SLC4A4: variants seen among roughly 807,000 people sequenced by gnomAD.
SLC4A4 encodes the protein electrogenic sodium bicarbonate cotransporter 1.
A neutral mutation model predicts 111.5 loss-of-function variants in SLC4A4; 27 were observed. That is an observed-to-expected ratio of 0.24 (90% CI 0.18 to 0.33). The LOEUF (loss-of-function observed/expected upper bound fraction) is 0.33, where lower values mean the gene tolerates loss of function less well. Ranked by LOEUF, SLC4A4 falls within the 10% of genes least tolerant of loss-of-function variation. SLC4A4 has a pLI of 1.00. For synonymous variants in SLC4A4, 443 were observed against 463.4 expected (o/e 0.96, Z 0.57); for missense variants, 909 against 1,315.5 (o/e 0.69, Z 4.78).
intron 6 of SLC4A4, among the ~76,000 whole-genome samples, chr4:71,376,298 T>C (rs913885863): frequency 1.3e-5 from 2 of 150,802 alleles, no homozygotes; most frequent in Non-Finnish European, 3.0e-5. Context: ...GCCTCTCGGG[T>C]TCACGCCATT....
intron 7 of SLC4A4, among the ~76,000 whole-genome samples, chr4:71,425,335 G>T (rs140048946): frequency 6.6e-6 from 1 of 152,194 alleles, no homozygotes; most frequent in Non-Finnish European, 1.5e-5. Flanking sequence ...GAATAGCCTC[G>T]CAGCAAAACA....
At chr4:71,106,361 G>A (rs1480156943) in intron 2 of SLC4A4, among the ~76,000 whole-genome samples, 8 of 151,264 alleles carry the variant, frequency 5.3e-5, no homozygotes, top group Non-Finnish European at 8.8e-5. Flanking sequence ...GGAAGTCAGT[G>A]TGGCGACTCC....
At chr4:71,227,713 C>T (rs1427686573) in intron 1 of SLC4A4, among the ~76,000 whole-genome samples, 1 of 152,152 alleles carries the variant, frequency 6.6e-6, no homozygotes, top group Non-Finnish European at 1.5e-5. Context: ...ATGCCCGTCG[C>T]CATCCTCTGT....
chr4:71,281,525 ATC>A (rs1723515989), intron 3 of SLC4A4, among the ~76,000 whole-genome samples: 1 of 152,210 alleles, frequency 6.6e-6, no homozygotes, highest in Non-Finnish European at 1.5e-5. Context: ...AGTCTCTGAA[ATC>A]TCTTCTAGGT....
chr4:71,420,614 C>A (rs558961994), intron 7 of SLC4A4, among the ~76,000 whole-genome samples: 1 of 152,166 alleles, frequency 6.6e-6, no homozygotes, highest in Non-Finnish European at 1.5e-5. Flanking sequence ...AAAGGGAAGC[C>A]CATCAGACTA....
chr4:71,063,525 C>T (rs1480007796), intron 1 of SLC4A4, among the ~76,000 whole-genome samples: 4 of 151,728 alleles, frequency 2.6e-5, no homozygotes, highest in Non-Finnish European at 1.5e-5. Context: ...TATTTATTTT[C>T]TATTATAATT....
chr4:71,339,263 T>C lies in SLC4A4; in HGVS notation c.254-107T>C, dbSNP rs1259938115. On this transcript the variant is annotated intron_variant, in intron 3 of 25. Coordinates refer to ENST00000264485, the MANE Select transcript of SLC4A4 (RefSeq NM_001098484.3). Reference sequence around the variant, plus strand: ...TAGCAGGAAAGATGTCCACTGAAAATGTGGAAGGGAAGCCCAGTAACCTTG... The same window carrying C: ...TAGCAGGAAAGATGTCCACTGAAAACGTGGAAGGGAAGCCCAGTAACCTTG... The C allele has an allele frequency of 1.9e-6, 3 of 1,613,994 alleles. No homozygotes were observed. The highest frequency in any genetic ancestry group is 2.5e-6 in the Non-Finnish European group (3 of 1,180,012).
At chr4:71,102,058 A>G (rs1742755346) in intron 2 of SLC4A4, among the ~76,000 whole-genome samples, 1 of 151,834 alleles carries the variant, frequency 6.6e-6, no homozygotes, top group African/African-American at 2.4e-5. Flanking sequence ...AGAATAACCA[A>G]TACAGAGAAG....
chr4:71,194,805 G>C (rs1476807767), intron 1 of SLC4A4, among the ~76,000 whole-genome samples: 3 of 152,094 alleles, frequency 2.0e-5, no homozygotes, highest in Non-Finnish European at 4.4e-5. Flanking sequence ...GTGTAAAATT[G>C]AACATTCAAG....
chr4:71,566,106 G>T (rs1737446522), intron 24 of SLC4A4, among the ~76,000 whole-genome samples: 1 of 151,860 alleles, frequency 6.6e-6, no homozygotes. Flanking sequence ...CTGGCTACCA[G>T]CCTGGATTTG....
chr4:71,127,309 C>T (rs1323869238), intron 2 of SLC4A4, among the ~76,000 whole-genome samples: 2 of 146,090 alleles, frequency 1.4e-5, no homozygotes, highest in Admixed American at 1.3e-4. Flanking sequence ...AAATGTGTCT[C>T]TATCTTCAAA....
At chr4:71,233,435 C>A in intron 1 of SLC4A4, 1 of 313,226 alleles carries the variant, frequency 3.2e-6, no homozygotes, top group Non-Finnish European at 4.6e-6. Context: ...ACTTCCTTGA[C>A]ATCACTCTTG....
intron 16 of SLC4A4, among the ~76,000 whole-genome samples, chr4:71,521,791 A>G (rs1412718830): frequency 6.6e-6 from 1 of 152,160 alleles, no homozygotes; most frequent in South Asian, 2.1e-4. Flanking sequence ...GTGACAAAGA[A>G]AGATGTCCAT....
At chr4:71,393,559 G>A (rs1409059271) in intron 6 of SLC4A4, among the ~76,000 whole-genome samples, 1 of 152,098 alleles carries the variant, frequency 6.6e-6, no homozygotes, top group East Asian at 1.9e-4. Context: ...TGGATGGGTA[G>A]AATCTATATT....
chr4:71,541,907 T>C (rs1483787168), intron 18 of SLC4A4, among the ~76,000 whole-genome samples: 1 of 152,154 alleles, frequency 6.6e-6, no homozygotes, highest in African/African-American at 2.4e-5. Context: ...TTTCTTGCAG[T>C]ATTCTTTATA....
rs1354648493 is a variant in SLC4A4 at position 71,404,503 on chromosome 4, C to CT, written c.807+6857dup. On this transcript the variant is annotated intron_variant, in intron 7 of 25. Coordinates refer to ENST00000264485, the MANE Select transcript of SLC4A4 (RefSeq NM_001098484.3). ...CTGGCATGTTTTACATTTGATGTCA[C>CT]TTTTTTTCTCTTTTCAATATGTAGC... Among the ~76,000 whole-genome samples, 4 of 152,156 alleles carry CT rather than the reference C, an allele frequency of 2.6e-5. No individual in the cohort carries two copies. The South Asian group carries it at 8.3e-4, about 32-fold the overall frequency.
At chr4:71,190,385 T>TAC (rs5859253) in intron 1 of SLC4A4, among the ~76,000 whole-genome samples, 3,407 of 143,722 alleles carry the variant, frequency 0.024, 95 homozygotes, top group African/African-American at 0.065. Flanking sequence ...TATGTATGTT[T>TAC]ACACACACAC....
At chr4:71,442,206 T>C (rs971541373) in intron 8 of SLC4A4, among the ~76,000 whole-genome samples, 1 of 152,204 alleles carries the variant, frequency 6.6e-6, no homozygotes, top group African/African-American at 2.4e-5. Context: ...TACGCATTCA[T>C]TGAGAGCAAA....
At chr4:71,196,045 T>C (rs1298227933) in intron 1 of SLC4A4, among the ~76,000 whole-genome samples, 1 of 152,240 alleles carries the variant, frequency 6.6e-6, no homozygotes, top group Admixed American at 6.5e-5. Flanking sequence ...TTTCATGGAA[T>C]CTTGAGTGTT....
Sources: allele counts gnomAD v4.1 joint callset (sites outside exome capture counted in the v4.1 genomes callset), GRCh38; gene constraint gnomAD v4.1.1; transcripts MANE v1.5; gene names NCBI Gene and HGNC (gene_info 2026-07-23, HGNC 2026-07-21).